SLC44A5: variants seen among roughly 807,000 people sequenced by gnomAD.
SLC44A5 encodes solute carrier family 44 member 5.
Under a neutral mutation model 101.8 loss-of-function variants are expected in SLC44A5, and 57 were observed. The observed-to-expected ratio is 0.56, with a 90% CI of 0.45 to 0.70. The LOEUF is 0.70. Among genes scored for constraint, SLC44A5 ranks in the 30% least tolerant of loss-of-function variants. The pLI is 0.00. For synonymous variants in SLC44A5, 281 were observed against 290.9 expected (o/e 0.97, Z 0.35); for missense variants, 737 against 853.1 (o/e 0.86, Z 1.70).
At chr1:75,645,377 G>T in the SLC44A5 span, among the ~76,000 whole-genome samples, 1 of 152,270 alleles carries the variant, frequency 6.6e-6, no homozygotes, top group Non-Finnish European at 1.5e-5. Flanking sequence ...CTGATGGCCA[G>T]TGATGATGAG....
chr1:75,360,505 A>G (rs1421825304), intron 3 of SLC44A5, among the ~76,000 whole-genome samples: 7 of 152,100 alleles, frequency 4.6e-5, no homozygotes, highest in Non-Finnish European at 1.0e-4. Context: ...ATAATAATTC[A>G]ATTTAATTCT....
chr1:75,482,265 T>A (rs1171855735), intron 2 of SLC44A5, among the ~76,000 whole-genome samples: 2 of 147,802 alleles, frequency 1.4e-5, no homozygotes, highest in East Asian at 2.0e-4. Flanking sequence ...CTCTAGGGAC[T>A]GTTGTGGGGT....
chr1:75,655,810 G>C, the SLC44A5 span, among the ~76,000 whole-genome samples: 1 of 151,750 alleles, frequency 6.6e-6, no homozygotes, highest in Non-Finnish European at 1.5e-5. Context: ...AGAAGGGAAA[G>C]AGAGGTAGAA....
At chr1:75,713,193 A>G in the SLC44A5 span, among the ~76,000 whole-genome samples, 5 of 152,218 alleles carry the variant, frequency 3.3e-5, no homozygotes, top group African/African-American at 9.6e-5. Context: ...TCAAGTGTAA[A>G]GAAATAGGAG....
chr1:75,329,072 T>C (rs993412134), intron 4 of SLC44A5, among the ~76,000 whole-genome samples: 1 of 152,208 alleles, frequency 6.6e-6, no homozygotes, highest in African/African-American at 2.4e-5. Flanking sequence ...AGCAAACCCC[T>C]GTATCACACA....
chr1:75,582,099 G>T (rs1053321704), intron 1 of SLC44A5: 5 of 724,190 alleles, frequency 6.9e-6, no homozygotes, highest in Non-Finnish European at 1.3e-5. Flanking sequence ...TGCAGACATG[G>T]CCAAGTCCAA....
the SLC44A5 span, among the ~76,000 whole-genome samples, chr1:75,692,794 G>A: frequency 3.9e-4 from 59 of 152,166 alleles, no homozygotes; most frequent in Non-Finnish European, 7.6e-4. Flanking sequence ...TGTTTATGAA[G>A]CAGGTAAATA....
intron 2 of SLC44A5, among the ~76,000 whole-genome samples, chr1:75,536,396 G>A (rs1255980945): frequency 2.6e-5 from 4 of 151,504 alleles, no homozygotes; most frequent in East Asian, 2.0e-4. Flanking sequence ...TCAGGAGATC[G>A]AGACCATCCT....
intron 2 of SLC44A5, among the ~76,000 whole-genome samples, chr1:75,515,944 T>G (rs1669805502): frequency 6.6e-6 from 1 of 152,216 alleles, no homozygotes; most frequent in Admixed American, 6.5e-5. Context: ...ACAGCCATTC[T>G]GACAGGTGTG....
At chr1:75,251,951 A>C (rs1161837730) in intron 6 of SLC44A5, among the ~76,000 whole-genome samples, 1 of 152,162 alleles carries the variant, frequency 6.6e-6, no homozygotes, top group African/African-American at 2.4e-5. Flanking sequence ...CAATTTTCTC[A>C]TCAGTAAAAT....
chr1:75,259,328 A>C (rs1650288866), intron 6 of SLC44A5, among the ~76,000 whole-genome samples: 1 of 152,192 alleles, frequency 6.6e-6, no homozygotes, highest in African/African-American at 2.4e-5. Flanking sequence ...TATAGAGAAG[A>C]ACATAAATGA....
chr1:75,479,897 TTG>T (rs1667719218), intron 2 of SLC44A5, among the ~76,000 whole-genome samples: 1 of 152,128 alleles, frequency 6.6e-6, no homozygotes, highest in African/African-American at 2.4e-5. Flanking sequence ...CCTAACTCAT[TTG>T]AGGAGGCCAG....
chr1:75,475,546 T>G (rs1484328695), intron 2 of SLC44A5, among the ~76,000 whole-genome samples: 1 of 152,218 alleles, frequency 6.6e-6, no homozygotes, highest in African/African-American at 2.4e-5. Flanking sequence ...ATCTCCTTGC[T>G]CCTCTTTTCA....
chr1:75,338,729 C>A (rs1003992410), intron 4 of SLC44A5, among the ~76,000 whole-genome samples: 11 of 152,130 alleles, frequency 7.2e-5, no homozygotes, highest in African/African-American at 7.2e-5. Flanking sequence ...TTAGAACAAA[C>A]TGAATATACG....
the SLC44A5 span, among the ~76,000 whole-genome samples, chr1:75,634,182 CT>C: frequency 6.6e-6 from 1 of 152,086 alleles, no homozygotes; most frequent in African/African-American, 2.4e-5. Context: ...CTAAAATTCT[CT>C]TTTTTGGTTG....
In SLC44A5 at chr1:75,227,769, G is replaced by A; in HGVS notation, c.942C>T (p.Asn314=). The A allele has an allele frequency of 1.9e-6, 3 of 1,586,740 alleles. No individual in the cohort carries two copies. Among genetic ancestry groups the A allele is most frequent in the Non-Finnish European group, 2.6e-6 (3 of 1,172,502 alleles). Residue 314 remains asparagine (N), a synonymous_variant, in exon 13 of 24, where the codon AAC becomes AAT. Transcript: ENST00000370859. The part of the protein sequence containing the change: ...LTIYDIGIQT[N]ISMYFELQQT... The stretch of plus-strand genomic sequence containing the variant: ...GTTGCAGTTCAAAGTACATGCTTAT[G>A]TTAGTCTGAATCCCGATGTCATAGA...
chr1:75,493,931 G>C (rs759682824), intron 2 of SLC44A5, among the ~76,000 whole-genome samples: 8 of 152,196 alleles, frequency 5.3e-5, no homozygotes, highest in Non-Finnish European at 1.0e-4. Context: ...TAACTAGCTT[G>C]TGCTGGAAGC....
At chr1:75,435,574 G>A (rs1398821122) in intron 2 of SLC44A5, among the ~76,000 whole-genome samples, 1 of 151,988 alleles carries the variant, frequency 6.6e-6, no homozygotes, top group African/African-American at 2.4e-5. Flanking sequence ...CACAACTGTG[G>A]AAAGAAAGAC....
chr1:75,232,079 C>T (rs1431328494), intron 12 of SLC44A5, among the ~76,000 whole-genome samples: 7 of 151,548 alleles, frequency 4.6e-5, no homozygotes, highest in African/African-American at 1.7e-4. Context: ...TTTTCTGACA[C>T]TCCTCAACCT....
Sources: gnomAD v4.1 joint callset for allele counts (sites outside exome capture counted in the v4.1 genomes callset) on GRCh38, gnomAD v4.1.1 for gene constraint, MANE v1.5 for transcripts, NCBI Gene and HGNC (gene_info 2026-07-23, HGNC 2026-07-21) for gene names.